LRRIQ4: variants seen among roughly 807,000 people sequenced by gnomAD.
The protein encoded by LRRIQ4 is leucine-rich repeat and IQ domain-containing protein 4.
LRRIQ4 carries 21 observed loss-of-function variants against 40.1 expected under a neutral mutation model. That is an observed-to-expected ratio of 0.52 (90% CI 0.37 to 0.75). The LOEUF (loss-of-function observed/expected upper bound fraction) is 0.75. LRRIQ4 is among the 30% of genes least tolerant of loss of function. The pLI, the probability that LRRIQ4 is intolerant of heterozygous loss-of-function variation, is 0.00. For synonymous variants in LRRIQ4, 277 were observed against 277.1 expected, an observed-to-expected ratio of 1.00 and a Z score of 0.00; for missense variants, 655 against 660.0, an observed-to-expected ratio of 0.99 and a Z score of 0.08.
chr3:169,813,876 G>C (rs1271214577), intron 1 of LRRIQ4, among the ~76,000 whole-genome samples: 1 of 152,104 alleles, frequency 6.6e-6, no homozygotes, highest in Non-Finnish European at 1.5e-5. Flanking sequence ...TTGGTGCTCC[G>C]CTGCTCAAAC....
intron 4 of LRRIQ4, 80 bp downstream of exon 4, chr3:169,830,710 T>C (rs1050662285): frequency 2.6e-6 from 4 of 1,524,784 alleles, no homozygotes; most frequent in African/African-American, 1.4e-5. Context: ...CTTGCTTTGC[T>C]AAAGACCTAT....
At chr3:169,836,381 G>A (rs1467163533) in intron 5 of LRRIQ4, among the ~76,000 whole-genome samples, 1 of 152,168 alleles carries the variant, frequency 6.6e-6, no homozygotes, top group East Asian at 1.9e-4. Context: ...AGTTCTGGAG[G>A]CTGGAAGTCT....
chr3:169,830,012 T>C (rs59876383), intron 3 of LRRIQ4, among the ~76,000 whole-genome samples: 6,337 of 152,272 alleles, frequency 0.042, 150 homozygotes, highest in Middle Eastern at 0.054. Context: ...AAACATTAGA[T>C]TTTTGCCCAG....
Position 169,822,752 on chromosome 3 carries a change from C to T in LRRIQ4, c.831C>T (p.Cys277=). Residue 277 remains cysteine, a synonymous_variant, in exon 2 of 6, where the codon TGC becomes TGT. Transcript: ENST00000340806. Reference sequence around the variant, plus strand: ...TGGAGAAGGTGCCACGCCTCATTTGCAGGTGGACCTCGCTGCACCTGCTCT... The same window carrying T: ...TGGAGAAGGTGCCACGCCTCATTTGTAGGTGGACCTCGCTGCACCTGCTCT... ...NRLEKVPRLI[C]RWTSLHLLYL... 6.2e-7 allele frequency: 1 copy of T among 1,613,666 alleles called. No homozygotes were observed. The highest frequency in any genetic ancestry group is 8.5e-7 in the Non-Finnish European group (1 of 1,179,716).
At chr3:169,814,139 C>G (rs1460779548) in intron 1 of LRRIQ4, among the ~76,000 whole-genome samples, 1 of 152,134 alleles carries the variant, frequency 6.6e-6, no homozygotes, top group Non-Finnish European at 1.5e-5. Context: ...AAAATCGGAT[C>G]ACACAGTGGG....
At chr3:169,830,165 G>T (rs145880197) in intron 3 of LRRIQ4, among the ~76,000 whole-genome samples, 1 of 151,834 alleles carries the variant, frequency 6.6e-6, no homozygotes, top group Non-Finnish European at 1.5e-5. Context: ...TATTAAAAAA[G>T]GAGTTAATGA....
intron 2 of LRRIQ4, among the ~76,000 whole-genome samples, chr3:169,823,437 TC>T (rs1159901677): frequency 6.9e-6 from 1 of 144,034 alleles, no homozygotes; most frequent in Non-Finnish European, 1.5e-5. Flanking sequence ...AACGTCCACC[TC>T]CCGGGTTCAA....
Position 169,833,176 on chromosome 3 carries a change from C to T in LRRIQ4, c.1523C>T (p.Ala508Val), listed in dbSNP as rs1336479167. Residue 508 changes from alanine (A) to valine (V), a missense_variant, in exon 5 of 6, where the codon GCA becomes GTA. Ala to Val is a moderately conservative substitution (Grantham distance 64). Coordinates refer to ENST00000340806, the MANE Select transcript of LRRIQ4 (RefSeq NM_001080460.3). The part of the protein sequence containing the change: ...LKENRNRNIM[A>V]TKIQAWWRGT... The stretch of plus-strand genomic sequence containing the variant: ...GAAAACAGAAACAGGAATATAATGG[C>T]AACAAAGGTAAAATCAGCCCAGATT... 6.2e-7 allele frequency: 1 copy of T among 1,611,882 alleles called. No homozygotes were observed. Among genetic ancestry groups the T allele is most frequent in the Non-Finnish European group, 8.5e-7 (1 of 1,178,898 alleles).
At position 169,822,089 on chromosome 3, in the gene LRRIQ4, G is replaced by A. The variant is rs1468168860; in HGVS notation, c.168G>A (p.Glu56=). 7 of 1,609,670 alleles carry A rather than the reference G, an allele frequency of 4.3e-6. No homozygotes were observed. Among genetic ancestry groups the A allele is most frequent in the Non-Finnish European group, 5.9e-6 (7 of 1,178,860 alleles). Residue 56 remains glutamate, a synonymous_variant, in exon 2 of 6, where the codon GAG becomes GAA. Coordinates refer to ENST00000340806, the MANE Select transcript of LRRIQ4 (RefSeq NM_001080460.3). ...CAGAATTAGAAGAAGTGCATTTGGA[G>A]AATAACCAGATTGAAGAAATTCCCC... The part of the protein sequence containing the change: ...TFTELEEVHL[E]NNQIEEIPQE...
Position 169,821,886 on chromosome 3 carries a change from T to C in LRRIQ4, c.-31-5T>C. On this transcript the variant is annotated splice_polypyrimidine_tract_variant and splice_region_variant and intron_variant, in intron 1 of 5. Coordinates refer to ENST00000340806, the MANE Select transcript of LRRIQ4 (RefSeq NM_001080460.3). ...TTTTTTTTCATCCTTTTCACAATAT[T>C]TCAGATTTTGAATATTTGAGCTTTT... 1 of 1,345,592 alleles carries C rather than the reference T, an allele frequency of 7.4e-7. No homozygotes were observed. The highest frequency in any genetic ancestry group is 2.6e-5 in the East Asian group (1 of 38,186). 83.4% of individuals were successfully genotyped at this position (1,345,592 alleles called of 1,614,324 possible). A position where few individuals can be genotyped will look rare whatever the true frequency, so the allele number is the denominator to read the frequency against.
intron 2 of LRRIQ4, among the ~76,000 whole-genome samples, chr3:169,825,854 GTGCAT>G (rs1301113396): frequency 6.6e-6 from 1 of 151,958 alleles, no homozygotes; most frequent in Non-Finnish European, 1.5e-5. Flanking sequence ...GTGTGTGTGT[GTGCAT>G]TTGTCCTCCC....
intron 1 of LRRIQ4, among the ~76,000 whole-genome samples, chr3:169,821,370 C>T (rs1003414573): frequency 3.9e-5 from 6 of 152,134 alleles, no homozygotes; most frequent in African/African-American, 1.4e-4. Flanking sequence ...CACGGCGGCT[C>T]ATGCCTGTAA....
rs56795981 is a variant in LRRIQ4, at chr3:169,830,377, GAAAAAAAAA to G, written c.1195-91_1195-83del. The G allele has an allele frequency of 4.6e-3, 493 of 106,614 alleles. 2 individuals are homozygous for G. Among genetic ancestry groups the G allele is most frequent in the East Asian group, 0.012 (31 of 2,496 alleles). The allele number at this position is 106,614 out of a possible 1,614,324, so 6.6% of individuals were successfully genotyped here. On this transcript the variant is annotated intron_variant, in intron 3 of 5. Transcript: ENST00000340806. ...AATGCGTAATTTCCCCACTGAAAGTGAAAAAAAAAAAAAAAAAAAAAAAAAAAAAAAATG... is the reference window on the plus strand; with the variant it reads ...AATGCGTAATTTCCCCACTGAAAGTGAAAAAAAAAAAAAAAAAAAAAAATG...
At chr3:169,820,829 G>A (rs573960791) in intron 1 of LRRIQ4, among the ~76,000 whole-genome samples, 282 of 152,298 alleles carry the variant, frequency 1.9e-3, no homozygotes, top group Non-Finnish European at 3.5e-3. Context: ...TTCAGGACCT[G>A]TCTCTGTTCT....
intron 2 of LRRIQ4, among the ~76,000 whole-genome samples, chr3:169,824,025 C>T (rs905461843): frequency 6.6e-6 from 1 of 151,974 alleles, no homozygotes; most frequent in African/African-American, 2.4e-5. Context: ...AACTGCAGAA[C>T]CTTATGATAC....
intron 2 of LRRIQ4, among the ~76,000 whole-genome samples, chr3:169,823,229 A>G (rs1447791869): frequency 2.0e-5 from 3 of 152,160 alleles, no homozygotes; most frequent in African/African-American, 4.8e-5. Context: ...TCAATGGTAT[A>G]TGAAGGAAGT....
At chr3:169,830,377 GAAAAAAAAAAA>G (rs56795981) in intron 3 of LRRIQ4, 104 bp from the exon 4 acceptor site, 2,171 of 106,592 alleles carry the variant, frequency 0.02, 16 homozygotes, top group Middle Eastern at 0.031. Flanking sequence ...CACTGAAAGT[GAAAAAAAAAAA>G]AAAAAAAAAA....
At chr3:169,835,870 T>C (rs867368996) in intron 5 of LRRIQ4, among the ~76,000 whole-genome samples, 52 of 152,256 alleles carry the variant, frequency 3.4e-4, no homozygotes, top group African/African-American at 1.2e-3. Context: ...AGAGATGCTT[T>C]CCCCAGATAT....
chr3:169,820,357 A>G (rs1779856600), intron 1 of LRRIQ4, among the ~76,000 whole-genome samples: 1 of 151,792 alleles, frequency 6.6e-6, no homozygotes, highest in Non-Finnish European at 1.5e-5. Context: ...TTATAAGCCT[A>G]GTAGTGTAAG....
Sources: allele counts gnomAD v4.1 joint callset (sites outside exome capture counted in the v4.1 genomes callset), GRCh38; gene constraint gnomAD v4.1.1; transcripts MANE v1.5; gene names NCBI Gene and HGNC (gene_info 2026-07-23, HGNC 2026-07-21).